The following WDR70 variants were observed in gnomAD, a reference collection of about 807,000 sequenced individuals.
WDR70 encodes the protein WD repeat domain 70.
In WDR70, 53 loss-of-function variants were observed where a neutral mutation model predicts 88.6. The ratio of observed to expected loss-of-function variants is 0.60; its 90% CI spans 0.48 to 0.75. The LOEUF is 0.75. Ranked by LOEUF, WDR70 falls within the 30% of genes least tolerant of loss-of-function variation. WDR70 has a pLI of 0.00. For missense variants in WDR70, 610 were observed against 823.2 expected, an observed-to-expected ratio of 0.74 and a Z score of 3.17; for synonymous variants, 280 against 270.0, an observed-to-expected ratio of 1.04 and a Z score of -0.36.
chr5:37,708,059 AC>A (rs981286351), intron 13 of WDR70, among the ~76,000 whole-genome samples: 3 of 138,028 alleles, frequency 2.2e-5, no homozygotes, highest in Non-Finnish European at 4.6e-5. Flanking sequence ...GGAAGAAAAA[AC>A]CTCATTTTTG....
chr5:37,505,974 A>G, intron 8 of WDR70: 3 of 1,587,040 alleles, frequency 1.9e-6, no homozygotes, highest in Non-Finnish European at 2.6e-6. Flanking sequence ...AAGATCCTCA[A>G]AATTACACAG....
intron 12 of WDR70, among the ~76,000 whole-genome samples, chr5:37,701,843 A>G (rs952190111): frequency 1.3e-5 from 2 of 151,686 alleles, no homozygotes; most frequent in Non-Finnish European, 2.9e-5. Context: ...TTTTAATATT[A>G]CTGAGCATTT....
chr5:37,471,548 G>A lies in WDR70; in HGVS notation c.687-8286G>A, dbSNP rs187829210. Among the ~76,000 whole-genome samples the A allele has an allele frequency of 1.9e-3, 284 of 151,642 alleles. 6 individuals carry two copies. The highest frequency in any genetic ancestry group is 6.2e-3 in the African/African-American group (257 of 41,174). ...TTAAATAGGAGGCACATATTCACTC[G>A]CAATTTTTGGCTTGTTTTGTCACTG... is the stretch of plus-strand genomic sequence containing the variant. On this transcript the variant is annotated intron_variant, in intron 7 of 17. Coordinates refer to ENST00000265107, the MANE Select transcript of WDR70 (RefSeq NM_018034.4).
intron 10 of WDR70, among the ~76,000 whole-genome samples, chr5:37,671,838 C>T (rs962299070): frequency 3.9e-5 from 6 of 152,050 alleles, no homozygotes; most frequent in East Asian, 1.9e-4. Flanking sequence ...GTGGAACAGG[C>T]GTGGTGGCTC....
chr5:37,439,852 C>T (rs1332771486), intron 6 of WDR70, among the ~76,000 whole-genome samples: 2 of 152,036 alleles, frequency 1.3e-5, no homozygotes, highest in East Asian at 1.9e-4. Flanking sequence ...TACCTGACTT[C>T]ATATGATTTC....
intron 15 of WDR70, chr5:37,723,972 A>G (rs1306872633): frequency 1.3e-5 from 2 of 152,124 alleles, no homozygotes; most frequent in Non-Finnish European, 2.9e-5. Flanking sequence ...AGTTGGCAGT[A>G]TAGGTAGAAG....
rs760209253 is a variant in WDR70, at chr5:37,396,394, A to G, written c.316A>G (p.Ser106Gly). 1.2e-6 allele frequency: 2 copies of G among 1,611,530 alleles called. No homozygotes were observed. Among genetic ancestry groups the G allele is most frequent in the East Asian group, 2.2e-5 (1 of 44,830 alleles). ...TTTCAGGGATACGAGCAGCAGTGAAAGTGAACAGAGTTCTGACTCTTCTGA... is the reference window on the plus strand; with the variant it reads ...TTTCAGGGATACGAGCAGCAGTGAAGGTGAACAGAGTTCTGACTCTTCTGA... The part of the protein sequence containing the change: ...SSSRDTSSSE[S>G]EQSSDSSDDE... The change falls in exon 5 of 18, where the codon AGT becomes GGT. Residue 106 changes from serine (S) to glycine (G), a missense_variant. Ser to Gly is a moderately conservative substitution (Grantham distance 56). This residue lies in a region of WDR70 where 203 missense variants were observed against 228.1 expected (regional missense o/e 0.89). Coordinates refer to ENST00000265107, the MANE Select transcript of WDR70 (RefSeq NM_018034.4).
At chr5:37,548,469 C>T (rs1222411759) in intron 9 of WDR70, among the ~76,000 whole-genome samples, 1 of 152,074 alleles carries the variant, frequency 6.6e-6, no homozygotes. Context: ...ATCTTTTGCC[C>T]ATTTTTAAAT....
At chr5:37,387,311 C>T (rs1253105935) in intron 3 of WDR70, among the ~76,000 whole-genome samples, 1 of 152,116 alleles carries the variant, frequency 6.6e-6, no homozygotes, top group East Asian at 1.9e-4. Context: ...AGCTTATAAA[C>T]AGCAAAGTAC....
intron 9 of WDR70, among the ~76,000 whole-genome samples, chr5:37,529,722 T>C (rs1741422003): frequency 6.6e-6 from 1 of 152,128 alleles, no homozygotes; most frequent in Admixed American, 6.5e-5. Flanking sequence ...AGGAGCTTTT[T>C]GGATGAGTCT....
chr5:37,663,010 A>T (rs1745742120), intron 10 of WDR70, among the ~76,000 whole-genome samples: 1 of 152,216 alleles, frequency 6.6e-6, no homozygotes, highest in African/African-American at 2.4e-5. Context: ...GCACAATGCC[A>T]GGGACCCAGA....
At chr5:37,601,093 T>C (rs1313896034) in intron 9 of WDR70, among the ~76,000 whole-genome samples, 1 of 152,230 alleles carries the variant, frequency 6.6e-6, no homozygotes, top group Non-Finnish European at 1.5e-5. Flanking sequence ...GGTATCCTTT[T>C]CTTGATCTTG....
At chr5:37,384,221 G>A (rs1748532054) in intron 3 of WDR70, among the ~76,000 whole-genome samples, 1 of 127,442 alleles carries the variant, frequency 7.8e-6, no homozygotes, top group African/African-American at 3.0e-5. Context: ...CACTGCTGTT[G>A]CTTAGACAGG....
At chr5:37,530,576 C>A (rs1394484541) in intron 9 of WDR70, among the ~76,000 whole-genome samples, 2 of 151,344 alleles carry the variant, frequency 1.3e-5, no homozygotes, top group African/African-American at 4.9e-5. Flanking sequence ...TCTAGTTTTT[C>A]TAGTTTATGT....
intron 7 of WDR70, among the ~76,000 whole-genome samples, chr5:37,462,399 T>C (rs913657935): frequency 9.9e-5 from 15 of 152,164 alleles, no homozygotes; most frequent in African/African-American, 3.6e-4. Context: ...ACCTCCCGGA[T>C]TCATGCCATT....
chr5:37,611,080 C>T lies in WDR70; in HGVS notation c.1092+5842C>T, dbSNP rs1310444911. Among the ~76,000 whole-genome samples, 5 of 152,268 alleles carry T rather than the reference C, an allele frequency of 3.3e-5. No homozygotes were observed. In the East Asian group the frequency reaches 9.7e-4, roughly 29 times the overall value. ...GGTGCCCTCAAGTTACTTAAAGTCT[C>T]TTAGAAGTCACTTCTCACCGTTGGA... On this transcript the variant is annotated intron_variant, in intron 10 of 17. Transcript: ENST00000265107.
intron 9 of WDR70, among the ~76,000 whole-genome samples, chr5:37,602,975 A>T (rs1207710740): frequency 2.6e-5 from 4 of 151,458 alleles, no homozygotes; most frequent in African/African-American, 9.7e-5. Flanking sequence ...AGACTGTCTT[A>T]AAAAAAAATA....
intron 3 of WDR70, among the ~76,000 whole-genome samples, chr5:37,384,660 CAAAAAAAAAAAAAA>C (rs70978807): frequency 1.7e-5 from 1 of 59,474 alleles, no homozygotes; most frequent in African/African-American, 7.5e-5. Context: ...ACTCTTGTCT[CAAAAAAAAAAAAAA>C]AAAAAAAAAA....
chr5:37,382,883 G>A (rs1197428254), intron 3 of WDR70, among the ~76,000 whole-genome samples: 1 of 151,878 alleles, frequency 6.6e-6, no homozygotes, highest in Non-Finnish European at 1.5e-5. Flanking sequence ...TGTGGTGTTG[G>A]GCCCCTGTAA....
Sources: gnomAD v4.1 joint callset for allele counts (sites outside exome capture counted in the v4.1 genomes callset) on GRCh38, gnomAD v4.1.1 for gene constraint, gnomAD v4.1.1 regional missense constraint, MANE v1.5 for transcripts, NCBI Gene and HGNC (gene_info 2026-07-23, HGNC 2026-07-21) for gene names.